The following AGBL1 variants were observed in gnomAD, a reference collection of about 807,000 sequenced individuals.
AGBL1 encodes AGBL carboxypeptidase 1, also known as cytosolic carboxypeptidase 4.
Under a neutral mutation model 118.9 loss-of-function variants are expected in AGBL1, and 130 were observed. The observed-to-expected ratio is 1.09, with a 90% CI of 0.95 to 1.26. AGBL1 has a LOEUF of 1.26. AGBL1 is among the 50% of genes most tolerant of loss of function. AGBL1 has a pLI of 0.00. For missense variants in AGBL1, 1,584 were observed against 1,298.1 expected (o/e 1.22, Z -3.38); for synonymous variants, 555 against 478.9 (o/e 1.16, Z -2.08).
chr15:86,927,485 G>T lies in AGBL1; in HGVS notation c.3222-60502G>T, dbSNP rs534821993. The stretch of plus-strand genomic sequence containing the variant: ...CCTATAAGTCCTAGCTACTTGAGAG[G>T]CTGAGGCAGGAGGATCACTGGAGCC... On this transcript the variant is annotated intron_variant, in intron 23 of 24. Coordinates refer to the AGBL1 transcript ENST00000441037. Among the ~76,000 whole-genome samples the T allele has an allele frequency of 2.6e-5, 4 of 152,190 alleles. No individual in the cohort carries two copies. The South Asian group carries it at 8.3e-4, about 32-fold the overall frequency.
At chr15:86,522,387 C>G (rs1166864915) in intron 18 of AGBL1, among the ~76,000 whole-genome samples, 4 of 152,136 alleles carry the variant, frequency 2.6e-5, no homozygotes, top group African/African-American at 9.7e-5. Flanking sequence ...TAATGTCTAC[C>G]TTGCAGAGTT....
chr15:86,855,640 A>G (rs547633409), intron 22 of AGBL1, among the ~76,000 whole-genome samples: 6 of 152,352 alleles, frequency 3.9e-5, no homozygotes, highest in Admixed American at 6.5e-5. Context: ...TTGCACATCA[A>G]TTACAATTAG....
At chr15:86,524,399 T>C (rs202198422) in intron 19 of AGBL1, among the ~76,000 whole-genome samples, 2 of 152,218 alleles carry the variant, frequency 1.3e-5, no homozygotes, top group East Asian at 1.9e-4. Context: ...GTAAATGGCA[T>C]TCATGGCAGA....
chr15:86,608,313 G>A (rs1425353629), intron 21 of AGBL1, among the ~76,000 whole-genome samples: 2 of 152,080 alleles, frequency 1.3e-5, no homozygotes, highest in African/African-American at 2.4e-5. Context: ...ACACAGGCTC[G>A]AGCTAGAACC....
intron 17 of AGBL1, among the ~76,000 whole-genome samples, chr15:86,301,641 GGTGTGTGTGTGTGTGTGTGTGTGTGT>G (rs60282415): frequency 6.6e-5 from 9 of 137,242 alleles, no homozygotes; most frequent in East Asian, 2.3e-4. Flanking sequence ...TAATCTACAG[GGTGTGTGTGTGTGTGTGTGTGTGTGT>G]GTGTGTGTGT....
At chr15:86,831,971 A>G (rs1291615229) in intron 22 of AGBL1, among the ~76,000 whole-genome samples, 4 of 152,140 alleles carry the variant, frequency 2.6e-5, no homozygotes, top group Non-Finnish European at 5.9e-5. Context: ...TCAAACCTCA[A>G]TTCTTGACTT....
At chr15:86,320,168 T>C (rs1301005001) in intron 17 of AGBL1, among the ~76,000 whole-genome samples, 1 of 152,204 alleles carries the variant, frequency 6.6e-6, no homozygotes, top group Non-Finnish European at 1.5e-5. Context: ...GATTTTTCAT[T>C]GAGATTTTAT....
intron 6 of AGBL1, among the ~76,000 whole-genome samples, chr15:86,233,003 C>T (rs1420865586): frequency 6.6e-6 from 1 of 152,212 alleles, no homozygotes; most frequent in East Asian, 1.9e-4. Context: ...CACATGGCAT[C>T]TCATTCTCAC....
intron 18 of AGBL1, among the ~76,000 whole-genome samples, chr15:86,430,030 A>G (rs1014694141): frequency 2.6e-5 from 4 of 152,216 alleles, no homozygotes; most frequent in Admixed American, 6.5e-5. Flanking sequence ...GATGTAGCCA[A>G]TCTTTGAATT....
At chr15:86,556,215 C>T (rs761152690) in intron 21 of AGBL1, 1 of 1,610,816 alleles carries the variant, frequency 6.2e-7, no homozygotes, top group South Asian at 1.1e-5. Flanking sequence ...CAACTCTCTA[C>T]TGTGCAGTGT....
intron 5 of AGBL1, among the ~76,000 whole-genome samples, chr15:86,175,092 C>A (rs1252303539): frequency 1.3e-5 from 2 of 151,850 alleles, no homozygotes; most frequent in African/African-American, 2.4e-5. Context: ...TTAGTACTTC[C>A]TTATAAGTTT....
intron 21 of AGBL1, among the ~76,000 whole-genome samples, chr15:86,583,242 G>A (rs768977182): frequency 6.6e-5 from 10 of 151,834 alleles, no homozygotes; most frequent in Admixed American, 6.6e-5. Context: ...GAAGTTTGGG[G>A]TACAATTCCT....
chr15:87,001,403 C>G lies in AGBL1; in HGVS notation c.3323+13315C>G, dbSNP rs146722111. 6.8e-4 allele frequency among the ~76,000 whole-genome samples: 104 copies of G among 152,074 alleles called. 1 individual carries two copies. The highest frequency in any genetic ancestry group is 2.5e-3 in the African/African-American group (102 of 41,408). ...TCATTGTTGGACATTTGGCTTGGAT[C>G]CAAGTCTTCGCTATTGTGAGTAGTG... On this transcript the variant is annotated intron_variant, in intron 24 of 24. Coordinates refer to the AGBL1 transcript ENST00000441037.
intron 18 of AGBL1, among the ~76,000 whole-genome samples, chr15:86,484,198 T>C (rs927918215): frequency 1.3e-5 from 2 of 152,004 alleles, no homozygotes; most frequent in African/African-American, 2.4e-5. Context: ...GTGTGTGTAA[T>C]TGAGAACCTG....
At chr15:86,654,633 G>A (rs1033236008) in intron 21 of AGBL1, among the ~76,000 whole-genome samples, 1 of 152,106 alleles carries the variant, frequency 6.6e-6, no homozygotes, top group African/African-American at 2.4e-5. Context: ...GGAAAGAGGT[G>A]GATGGCAGGT....
chr15:86,462,002 G>C (rs939404452), intron 18 of AGBL1, among the ~76,000 whole-genome samples: 2 of 152,140 alleles, frequency 1.3e-5, no homozygotes, highest in African/African-American at 2.4e-5. Flanking sequence ...TCTTAGCTCT[G>C]TGGTATTCCT....
chr15:86,181,786 TG>T lies in AGBL1; in HGVS notation c.488+22766del, dbSNP rs571483217. Among the ~76,000 whole-genome samples the T allele has an allele frequency of 3.0e-3, 452 of 152,096 alleles. 1 individual carries two copies. Among genetic ancestry groups the T allele is most frequent in the Middle Eastern group, 6.8e-3 (2 of 294 alleles). ...ACCAATAACTAGTTATTTTGAATGG[TG>T]GGGGGTAAATGATTTATTTTTTGTA... On this transcript the variant is annotated intron_variant, in intron 5 of 22. Transcript: ENST00000614907.
chr15:86,253,246 C>T (rs951781977), intron 7 of AGBL1, among the ~76,000 whole-genome samples: 5 of 151,998 alleles, frequency 3.3e-5, no homozygotes, highest in Admixed American at 3.3e-4. Context: ...CTTCCATCAA[C>T]TTTTTTTTGT....
chr15:86,636,728 T>C (rs192793212), intron 21 of AGBL1, among the ~76,000 whole-genome samples: 470 of 45,948 alleles, frequency 0.01, 61 homozygotes, highest in African/African-American at 0.044. Context: ...TATATATATA[T>C]ATATATATAT....
Sources: gnomAD v4.1 joint callset for allele counts (sites outside exome capture counted in the v4.1 genomes callset) on GRCh38, gnomAD v4.1.1 for gene constraint, MANE v1.5 for transcripts, NCBI Gene and HGNC (gene_info 2026-07-23, HGNC 2026-07-21) for gene names.